NPAS3: variants seen among roughly 807,000 people sequenced by gnomAD.
NPAS3 encodes the protein neuronal PAS domain protein 3.
NPAS3 carries 14 observed loss-of-function variants against 73.1 expected under a neutral mutation model. The observed-to-expected ratio is 0.19, with a 90% confidence interval of 0.13 to 0.30. The LOEUF (loss-of-function observed/expected upper bound fraction) is 0.30, where lower values mean the gene tolerates loss of function less well. NPAS3 is among the 10% of genes least tolerant of loss of function. The pLI is 1.00. For synonymous variants in NPAS3, 620 were observed against 541.5 expected (o/e 1.14, Z -2.01); for missense variants, 1,096 against 1,250.0 (o/e 0.88, Z 1.86).
chr14:32,935,034 C>T, upstream of NPAS3: 14 of 1,249,886 alleles, frequency 1.1e-5, no homozygotes, highest in Admixed American at 3.6e-5. Flanking sequence ...TGGGATAGTG[C>T]CCCCGCCCCG....
intron 5 of NPAS3, among the ~76,000 whole-genome samples, chr14:33,575,125 T>G (rs2056382719): frequency 6.6e-6 from 1 of 152,170 alleles, no homozygotes; most frequent in Admixed American, 6.5e-5. Flanking sequence ...TCCTAGGAAA[T>G]TCTAAGGAGA....
At chr14:33,642,110 G>A (rs2058690000) in intron 5 of NPAS3, among the ~76,000 whole-genome samples, 1 of 152,050 alleles carries the variant, frequency 6.6e-6, no homozygotes, top group Non-Finnish European at 1.5e-5. Flanking sequence ...ATCACCATGG[G>A]AACTCATCAA....
chr14:33,112,539 T>C (rs1193041171), intron 2 of NPAS3, among the ~76,000 whole-genome samples: 1 of 152,250 alleles, frequency 6.6e-6, no homozygotes, highest in Non-Finnish European at 1.5e-5. Flanking sequence ...TAAATCTGTT[T>C]GAGTTCATTG....
At chr14:33,358,631 T>C (rs1228128389) in intron 3 of NPAS3, among the ~76,000 whole-genome samples, 2 of 152,186 alleles carry the variant, frequency 1.3e-5, no homozygotes, top group Non-Finnish European at 2.9e-5. Context: ...AGAGTTGTAC[T>C]TTTATTGCAT....
At chr14:33,430,822 C>G (rs2048754292) in intron 4 of NPAS3, among the ~76,000 whole-genome samples, 2 of 152,130 alleles carry the variant, frequency 1.3e-5, no homozygotes, top group Non-Finnish European at 1.5e-5. Context: ...CGTGTGCAAA[C>G]AAAACATCAC....
intron 1 of NPAS3, among the ~76,000 whole-genome samples, chr14:32,994,231 G>T (rs1357976888): frequency 6.6e-6 from 1 of 152,150 alleles, no homozygotes; most frequent in Non-Finnish European, 1.5e-5. Flanking sequence ...TGTGCTTAAT[G>T]TACACTATTG....
chr14:33,560,088 A>C (rs1468781306), intron 4 of NPAS3, 33 bp from the exon 5 acceptor site: 1 of 779,100 alleles, frequency 1.3e-6, no homozygotes, highest in East Asian at 2.6e-5. Context: ...TGTATTTATT[A>C]ATCTATTTAT....
At chr14:33,396,288 TTC>T (rs2047219985) in intron 4 of NPAS3, among the ~76,000 whole-genome samples, 1 of 152,200 alleles carries the variant, frequency 6.6e-6, no homozygotes, top group Admixed American at 6.5e-5. Flanking sequence ...TGCAAAATTC[TTC>T]TCTCTTCCCT....
chr14:33,333,762 G>A (rs1161591545), intron 3 of NPAS3, among the ~76,000 whole-genome samples: 1 of 152,166 alleles, frequency 6.6e-6, no homozygotes, highest in Admixed American at 6.6e-5. Flanking sequence ...TACTCTAGAT[G>A]TGACATAACT....
At chr14:33,172,098 A>G (rs1454887416) in intron 2 of NPAS3, among the ~76,000 whole-genome samples, 1 of 152,218 alleles carries the variant, frequency 6.6e-6, no homozygotes, top group Non-Finnish European at 1.5e-5. Flanking sequence ...GTGACATCAA[A>G]GATCACTGAT....
intron 4 of NPAS3, among the ~76,000 whole-genome samples, chr14:33,439,976 C>T (rs940887160): frequency 5.3e-5 from 8 of 151,942 alleles, no homozygotes; most frequent in African/African-American, 1.9e-4. Flanking sequence ...ATTAGCTAGG[C>T]GTGGTGGCGG....
intron 5 of NPAS3, among the ~76,000 whole-genome samples, chr14:33,645,641 C>T (rs2058808521): frequency 6.6e-6 from 1 of 152,294 alleles, no homozygotes; most frequent in Non-Finnish European, 1.5e-5. Context: ...GAGGAGCTGC[C>T]TCTGGTGGGT....
intron 3 of NPAS3, among the ~76,000 whole-genome samples, chr14:33,251,875 T>C (rs1170121558): frequency 6.6e-6 from 1 of 152,108 alleles, no homozygotes; most frequent in Non-Finnish European, 1.5e-5. Context: ...AATTTTCCTC[T>C]GCTTTCTCTT....
At chr14:33,073,934 AAGGGCTG>A (rs2041570760) in intron 2 of NPAS3, among the ~76,000 whole-genome samples, 1 of 152,032 alleles carries the variant, frequency 6.6e-6, no homozygotes. Flanking sequence ...TTTTATTTTT[AAGGGCTG>A]TTGTGTGAAC....
In NPAS3 at chr14:33,230,171, T is replaced by C. The variant is rs182672247; in HGVS notation, c.385+14745T>C. 4.6e-5 allele frequency among the ~76,000 whole-genome samples: 7 copies of C among 152,354 alleles called. No individual in the cohort carries two copies. The East Asian group carries it at 1.2e-3, about 25-fold the overall frequency. On this transcript the variant is annotated intron_variant, in intron 3 of 11. Transcript: ENST00000356141. ...AAACTCTTAATGAGCCTGCATTCTT[T>C]TACAGCAGTCCATTCTCTGAAAATG...
intron 5 of NPAS3, among the ~76,000 whole-genome samples, chr14:33,665,982 C>A (rs1164676673): frequency 6.6e-6 from 1 of 151,998 alleles, no homozygotes; most frequent in Non-Finnish European, 1.5e-5. Flanking sequence ...TCAAAGTGTG[C>A]CAATTATCTA....
rs79139967 is a variant in NPAS3 at position 33,162,026 on chromosome 14, G to T, written c.141-53156G>T. Among the ~76,000 whole-genome samples, 1,281 of 152,308 alleles carry T rather than the reference G, an allele frequency of 8.4e-3. 12 individuals carry two copies. Among genetic ancestry groups the T allele is most frequent in the African/African-American group, 0.028 (1,182 of 41,544 alleles). On this transcript the variant is annotated intron_variant, in intron 2 of 11. Coordinates refer to ENST00000356141, the Ensembl canonical transcript of NPAS3. ...CCAGGGATGGGGCATAGAGTCCTAG[G>T]CTTCTTCATTCCTGGCAGAGAGTAG...
At chr14:33,736,406 G>C (rs1312520539) in intron 7 of NPAS3, among the ~76,000 whole-genome samples, 1 of 152,156 alleles carries the variant, frequency 6.6e-6, no homozygotes, top group Non-Finnish European at 1.5e-5. Context: ...AGTCTAAAAG[G>C]CACAAGTGGA....
At chr14:33,357,898 T>C (rs956432478) in intron 3 of NPAS3, among the ~76,000 whole-genome samples, 5 of 152,160 alleles carry the variant, frequency 3.3e-5, no homozygotes, top group Non-Finnish European at 5.9e-5. Context: ...TTGAGGTCCA[T>C]GGAACCTAAT....
Sources: allele counts gnomAD v4.1 joint callset (sites outside exome capture counted in the v4.1 genomes callset), GRCh38; gene constraint gnomAD v4.1.1; transcripts MANE v1.5; gene names NCBI Gene and HGNC (gene_info 2026-07-23, HGNC 2026-07-21).